Variants in NBEA observed in about 807,000 individuals in gnomAD.
NBEA encodes the protein neurobeachin, also known as lysosomal-trafficking regulator 2.
A neutral mutation model predicts 343.4 loss-of-function variants in NBEA; 44 were observed. That is an observed-to-expected ratio of 0.13 (90% CI 0.10 to 0.16). The LOEUF is 0.16. Among genes scored for constraint, NBEA ranks in the 10% least tolerant of loss-of-function variants. NBEA has a pLI of 1.00. For synonymous variants in NBEA, 1,175 were observed against 1,238.7 expected, an observed-to-expected ratio of 0.95 and a Z score of 1.08; for missense variants, 2,555 against 3,631.3, an observed-to-expected ratio of 0.70 and a Z score of 7.62.
intron 1 of NBEA, among the ~76,000 whole-genome samples, chr13:34,986,772 C>T (rs979864487): frequency 4.0e-5 from 6 of 150,658 alleles, no homozygotes; most frequent in Non-Finnish European, 5.9e-5. Flanking sequence ...TTGAATTGAT[C>T]CCTTTATCAT....
chr13:35,214,047 G>A (rs539320481), intron 33 of NBEA, among the ~76,000 whole-genome samples: 9 of 151,920 alleles, frequency 5.9e-5, no homozygotes, highest in Non-Finnish European at 8.8e-5. Context: ...CTAATGATCT[G>A]TGATTTATCG....
At position 35,241,152 on chromosome 13, in the gene NBEA, C is replaced by G. The variant is rs558322888; in HGVS notation, c.5776+8533C>G. Among the ~76,000 whole-genome samples the G allele has an allele frequency of 2.0e-5, 3 of 151,538 alleles. No homozygotes were observed. In the South Asian group the frequency reaches 6.3e-4, roughly 32 times the overall value. ...ATAAGCTTTATCTTAAATTTCTGAG[C>G]AGAATAAAGGGATGAAAAAATCGAG... On this transcript the variant is annotated intron_variant, in intron 34 of 58. Coordinates refer to ENST00000379939, the MANE Select transcript of NBEA (RefSeq NM_001385012.1).
chr13:35,607,400 G>T (rs1016229775), intron 48 of NBEA, among the ~76,000 whole-genome samples: 3 of 152,068 alleles, frequency 2.0e-5, no homozygotes, highest in African/African-American at 7.2e-5. Context: ...GTTCACATAT[G>T]GGAATTTGAT....
intron 40 of NBEA, among the ~76,000 whole-genome samples, chr13:35,468,347 AT>A (rs1336273856): frequency 6.6e-6 from 1 of 152,132 alleles, no homozygotes; most frequent in East Asian, 1.9e-4. Flanking sequence ...CAACTTTATA[AT>A]TTTGACTAAG....
chr13:35,410,698 A>G (rs1049771722), intron 38 of NBEA, among the ~76,000 whole-genome samples: 1 of 152,166 alleles, frequency 6.6e-6, no homozygotes, highest in Non-Finnish European at 1.5e-5. Context: ...ATGTCAGTAC[A>G]GTTTTTTTAC....
intron 1 of NBEA, among the ~76,000 whole-genome samples, chr13:34,991,710 TA>T (rs2060755086): frequency 1.3e-5 from 2 of 152,214 alleles, no homozygotes; most frequent in South Asian, 4.1e-4. Context: ...ACTAAGGACA[TA>T]TATTATTCTA....
chr13:35,313,692 A>T (rs999685159), intron 36 of NBEA, among the ~76,000 whole-genome samples: 1 of 152,116 alleles, frequency 6.6e-6, no homozygotes, highest in Non-Finnish European at 1.5e-5. Flanking sequence ...AGATTAAGTA[A>T]TTGCAAGTTT....
At chr13:35,291,206 G>T (rs1236220870) in intron 35 of NBEA, among the ~76,000 whole-genome samples, 3 of 151,798 alleles carry the variant, frequency 2.0e-5, no homozygotes, top group African/African-American at 4.8e-5. Flanking sequence ...GTGTGTGTTT[G>T]TAATAAGCAG....
At chr13:35,530,337 G>A (rs921995552) in intron 41 of NBEA, among the ~76,000 whole-genome samples, 1 of 152,050 alleles carries the variant, frequency 6.6e-6, no homozygotes, top group Admixed American at 6.5e-5. Context: ...TGTGACTGGC[G>A]GCGGCCTGTC....
intron 38 of NBEA, among the ~76,000 whole-genome samples, chr13:35,411,696 C>A (rs1042846761): frequency 6.6e-6 from 1 of 151,698 alleles, no homozygotes; most frequent in Admixed American, 6.6e-5. Context: ...AAGGGTCATA[C>A]CATGTTATCC....
At chr13:35,547,783 A>C (rs2079127559) in intron 41 of NBEA, among the ~76,000 whole-genome samples, 1 of 152,038 alleles carries the variant, frequency 6.6e-6, no homozygotes, top group Admixed American at 6.6e-5. Context: ...CAGCTACTTG[A>C]GAGGCTGAAG....
intron 49 of NBEA, among the ~76,000 whole-genome samples, chr13:35,634,485 C>T (rs2083611286): frequency 6.6e-6 from 1 of 152,118 alleles, no homozygotes. Flanking sequence ...TAAGCATATA[C>T]CAGACAAGTT....
intron 44 of NBEA, among the ~76,000 whole-genome samples, chr13:35,559,422 G>T (rs1426312861): frequency 2.0e-5 from 3 of 152,060 alleles, no homozygotes; most frequent in Non-Finnish European, 4.4e-5. Flanking sequence ...TATTTCATTT[G>T]ATTGATTGAA....
chr13:34,952,622 G>C (rs183148077), intron 1 of NBEA, among the ~76,000 whole-genome samples: 1 of 152,172 alleles, frequency 6.6e-6, no homozygotes, highest in East Asian at 1.9e-4. Context: ...ATGAGTTATA[G>C]AAGGAATTAT....
intron 38 of NBEA, among the ~76,000 whole-genome samples, chr13:35,359,073 A>G (rs1179770728): frequency 6.6e-6 from 1 of 152,204 alleles, no homozygotes; most frequent in Non-Finnish European, 1.5e-5. Context: ...CAATCACGTT[A>G]AGGATTTGTG....
chr13:35,285,332 A>G (rs2035350288), intron 34 of NBEA, among the ~76,000 whole-genome samples: 1 of 152,188 alleles, frequency 6.6e-6, no homozygotes, highest in Non-Finnish European at 1.5e-5. Flanking sequence ...CTTCCAAAAC[A>G]AACAAAAAGA....
At chr13:35,186,136 T>G (rs1051479703) in intron 30 of NBEA, 2 of 152,128 alleles carry the variant, frequency 1.3e-5, no homozygotes, top group Non-Finnish European at 2.9e-5. Flanking sequence ...AGACCCCGTC[T>G]ATACAAAAAA....
chr13:35,120,118 C>T (rs1441775655), intron 16 of NBEA, among the ~76,000 whole-genome samples: 1 of 152,064 alleles, frequency 6.6e-6, no homozygotes, highest in Non-Finnish European at 1.5e-5. Context: ...CCACATTACT[C>T]TTGTAGAAGA....
At chr13:35,471,174 T>G (rs1217268990) in intron 40 of NBEA, among the ~76,000 whole-genome samples, 3 of 152,142 alleles carry the variant, frequency 2.0e-5, no homozygotes, top group Admixed American at 6.5e-5. Context: ...CCCTCTGTGT[T>G]CCCGCAGCCT....
Sources: allele counts gnomAD v4.1 joint callset (sites outside exome capture counted in the v4.1 genomes callset), GRCh38; gene constraint gnomAD v4.1.1; transcripts MANE v1.5; gene names NCBI Gene and HGNC (gene_info 2026-07-23, HGNC 2026-07-21).